The following CACNA1A variants were observed in gnomAD, a reference collection of about 807,000 sequenced individuals.
CACNA1A encodes voltage-dependent P/Q-type calcium channel subunit alpha-1A.
In CACNA1A, 57 loss-of-function variants were observed where a neutral mutation model predicts 262.4. The observed-to-expected ratio is 0.22, with a 90% CI of 0.18 to 0.27. The LOEUF (loss-of-function observed/expected upper bound fraction) is 0.27. CACNA1A is among the 10% of genes least tolerant of loss of function. The pLI is 1.00. For synonymous variants in CACNA1A, 1,431 were observed against 1,419.3 expected (o/e 1.01, Z -0.18); for missense variants, 2,526 against 3,562.8 (o/e 0.71, Z 7.41).
intron 34 of CACNA1A, among the ~76,000 whole-genome samples, chr19:13,233,718 T>C (rs1336330756): frequency 6.6e-6 from 1 of 152,122 alleles, no homozygotes; most frequent in Non-Finnish European, 1.5e-5. Context: ...CTCAAACTCC[T>C]GGGCTAAAGC....
chr19:13,408,196 C>T (rs960847696), intron 3 of CACNA1A, among the ~76,000 whole-genome samples: 8 of 152,032 alleles, frequency 5.3e-5, no homozygotes, highest in African/African-American at 1.2e-4. Flanking sequence ...GGCAAAACCC[C>T]GTCTCTACAA....
intron 1 of CACNA1A, among the ~76,000 whole-genome samples, chr19:13,459,671 G>A (rs1797528312): frequency 6.6e-6 from 1 of 152,120 alleles, no homozygotes; most frequent in Admixed American, 6.6e-5. Flanking sequence ...GTCTCCTCTC[G>A]CTATGATTTG....
chr19:13,379,922 C>CAA (rs56778542), intron 3 of CACNA1A, among the ~76,000 whole-genome samples: 1 of 30,378 alleles, frequency 3.3e-5, no homozygotes, highest in Non-Finnish European at 6.0e-5. Flanking sequence ...GATGCCGTCT[C>CAA]AAAAAAAAAA....
intron 1 of CACNA1A, among the ~76,000 whole-genome samples, chr19:13,457,727 C>T (rs1409924165): frequency 6.6e-6 from 1 of 152,056 alleles, no homozygotes; most frequent in Non-Finnish European, 1.5e-5. Context: ...GTGGCGCATG[C>T]CTGTAATCCC....
At chr19:13,368,894 C>T (rs2059267133) in intron 4 of CACNA1A, among the ~76,000 whole-genome samples, 3 of 143,542 alleles carry the variant, frequency 2.1e-5, no homozygotes, top group Admixed American at 6.8e-5. Flanking sequence ...AAAAATTAGC[C>T]GGGCGTGGTA....
chr19:13,301,306 A>T (rs947136753), intron 17 of CACNA1A, among the ~76,000 whole-genome samples: 1 of 152,236 alleles, frequency 6.6e-6, no homozygotes. Flanking sequence ...TTTTCCTCTC[A>T]CTAGGCTTTC....
At position 13,456,933 on chromosome 19, in the gene CACNA1A, C is replaced by A. The variant is rs535444079; in HGVS notation, c.294-1721G>T. 5.3e-5 allele frequency among the ~76,000 whole-genome samples: 8 copies of A among 152,176 alleles called. 1 individual carries two copies. In the South Asian group the frequency reaches 1.7e-3, roughly 32 times the overall value. ...TGGTGAAGATGTGAAGAAATTGAAA[C>A]CCTCATGCTGGTGGGAATATAAAAT... On this transcript the variant is annotated intron_variant, in intron 1 of 46. Transcript: ENST00000360228.
At chr19:13,274,002 C>T (rs774720894) in intron 24 of CACNA1A, 1 of 151,986 alleles carries the variant, frequency 6.6e-6, no homozygotes, top group African/African-American at 2.4e-5. Context: ...CCTGTCTCAG[C>T]CTCCCAAAGT....
chr19:13,261,421 T>G, intron 26 of CACNA1A, 29 bp downstream of exon 26: 1 of 1,542,582 alleles, frequency 6.5e-7, no homozygotes, highest in South Asian at 1.2e-5. Context: ...CTGGTTCCAA[T>G]GGGAATGTGC....
chr19:13,410,675 C>T (rs1015613870), intron 3 of CACNA1A, among the ~76,000 whole-genome samples: 6 of 152,092 alleles, frequency 3.9e-5, no homozygotes, highest in African/African-American at 7.2e-5. Flanking sequence ...CTTCCAGTAG[C>T]CTCTTGCCTT....
intron 11 of CACNA1A, chr19:13,315,321 C>A (rs138830810): frequency 0.045 from 6,805 of 152,120 alleles, 240 homozygotes; most frequent in East Asian, 0.13. Context: ...CCTGCCTCAG[C>A]CTCCCAAGTA....
At chr19:13,215,707 C>A (rs2054985344) in intron 38 of CACNA1A, among the ~76,000 whole-genome samples, 1 of 151,500 alleles carries the variant, frequency 6.6e-6, no homozygotes, top group Non-Finnish European at 1.5e-5. Flanking sequence ...ACCTCCGCCT[C>A]CCAGGTTCAA....
chr19:13,286,596 T>C lies in CACNA1A; in HGVS notation c.3460A>G (p.Thr1154Ala). 1 of 1,505,314 alleles carries C rather than the reference T, an allele frequency of 6.6e-7. No individual in the cohort carries two copies. The highest frequency in any genetic ancestry group is 8.9e-7 in the Non-Finnish European group (1 of 1,126,938). The allele number at this position is 1,505,314 out of a possible 1,614,324, so 93.2% of individuals were successfully genotyped here. Residue 1154 changes from threonine to alanine, a missense_variant, in exon 20 of 47, where the codon ACC (threonine) becomes GCC (alanine). Transcript: ENST00000360228. ...TTCCTGGCAGTCTTAGCTGAATTGGTCTGGGTGCCGCTGGGGTTGGTGACG... is the reference window on the plus strand; with the variant it reads ...TTCCTGGCAGTCTTAGCTGAATTGGCCTGGGTGCCGCTGGGGTTGGTGACG... ...LIVTNPSGTQ[T>A]NSAKTARKPD... is the part of the protein sequence containing the mutation.
intron 1 of CACNA1A, among the ~76,000 whole-genome samples, chr19:13,498,316 G>A (rs1017377638): frequency 4.6e-5 from 7 of 151,986 alleles, no homozygotes; most frequent in South Asian, 2.1e-4. Context: ...AATGCTGTTC[G>A]TATGAAAATA....
In CACNA1A at chr19:13,393,218, C is replaced by T. The variant is rs1307800470; in HGVS notation, c.540-21439G>A. On this transcript the variant is annotated intron_variant, in intron 3 of 46. Transcript: ENST00000360228. ...CAAAGTAGCTTTCTCTGGAATAGCCCCAAAGTAGAAAGCACCAAACTGCCC... is the reference window on the plus strand; with the variant it reads ...CAAAGTAGCTTTCTCTGGAATAGCCTCAAAGTAGAAAGCACCAAACTGCCC... Among the ~76,000 whole-genome samples the T allele has an allele frequency of 5.3e-5, 8 of 152,118 alleles. No homozygotes were observed. The East Asian group carries it at 1.5e-3, about 29-fold the overall frequency.
rs923859410 is a variant in CACNA1A, at chr19:13,397,573, G to A, written c.540-25794C>T. ...CTTCCTGGATGCTCAGTTAGACTCC[G>A]TTTCCCAGCTCTGCAAGTGGGCGCC... On this transcript the variant is annotated intron_variant, in intron 3 of 46. Coordinates refer to ENST00000360228, the MANE Select transcript of CACNA1A (RefSeq NM_001127222.2). Among the ~76,000 whole-genome samples, 55 of 147,750 alleles carry A rather than the reference G, an allele frequency of 3.7e-4. No individual in the cohort carries two copies. In the Middle Eastern group the frequency reaches 0.024, roughly 65 times the overall value.
intron 24 of CACNA1A, chr19:13,271,569 G>A (rs1600217648): frequency 6.6e-6 from 1 of 152,102 alleles, no homozygotes; most frequent in African/African-American, 2.4e-5. Context: ...GTTCGCTTTT[G>A]CAGATTAGCT....
At chr19:13,346,563 C>T (rs930345845) in intron 6 of CACNA1A, among the ~76,000 whole-genome samples, 7 of 134,318 alleles carry the variant, frequency 5.2e-5, no homozygotes, top group African/African-American at 2.0e-4. Flanking sequence ...TTGACATTCA[C>T]CAAGGGAGAG....
At chr19:13,253,445 C>CTTTTTTTTT (rs57960659) in intron 29 of CACNA1A, among the ~76,000 whole-genome samples, 1 of 94,230 alleles carries the variant, frequency 1.1e-5, no homozygotes, top group Admixed American at 1.6e-4. Context: ...CTGAATTATA[C>CTTTTTTTTT]TTTTTTTTTT....
Sources: gnomAD v4.1 joint callset for allele counts (sites outside exome capture counted in the v4.1 genomes callset) on GRCh38, gnomAD v4.1.1 for gene constraint, MANE v1.5 for transcripts, NCBI Gene and HGNC (gene_info 2026-07-23, HGNC 2026-07-21) for gene names.